MDH2: variants seen among roughly 807,000 people sequenced by gnomAD.
MDH2 encodes malate dehydrogenase, mitochondrial.
A neutral mutation model predicts 33.6 loss-of-function variants in MDH2; 25 were observed. The ratio of observed to expected loss-of-function variants is 0.74; its 90% CI spans 0.54 to 1.04. MDH2 has a LOEUF of 1.04. Among genes scored for constraint, MDH2 ranks in the 50% least tolerant of loss-of-function variants. MDH2 has a pLI of 0.00. For synonymous variants in MDH2, 193 were observed against 188.7 expected (o/e 1.02, Z -0.19); for missense variants, 432 against 445.0 (o/e 0.97, Z 0.26).
chr7:76,048,341 C>A, intron 1 of MDH2, 115 bp downstream of exon 1: 2 of 1,382,402 alleles, frequency 1.4e-6, no homozygotes, highest in Non-Finnish European at 1.9e-6. Context: ...GCAGGGATGC[C>A]CGGCACTGGC....
intron 3 of MDH2, 29 bp downstream of exon 3, chr7:76,057,522 C>G (rs1797819234): frequency 2.5e-6 from 4 of 1,601,614 alleles, no homozygotes. Flanking sequence ...TGTCTGGTAC[C>G]TCCCCACGTG....
At chr7:76,051,732 TAAAAC>T (rs1344595096) in intron 1 of MDH2, among the ~76,000 whole-genome samples, 5 of 152,352 alleles carry the variant, frequency 3.3e-5, no homozygotes, top group African/African-American at 1.2e-4. Flanking sequence ...GTAGAAATTT[TAAAAC>T]AAACCATAAC....
rs1797392745 is a variant in MDH2 at position 76,048,297 on chromosome 7, G to A, written c.66+71G>A. On this transcript the variant is annotated intron_variant, in intron 1 of 8. Transcript: ENST00000315758. ...GGGCCACGTGCGTCCCCGGTTCGCG[G>A]GCAGCTCTGACCCTCTCCAGGCCAG... is the stretch of plus-strand genomic sequence containing the variant. 4.0e-6 allele frequency: 6 copies of A among 1,502,138 alleles called. No homozygotes were observed. The East Asian group carries it at 1.5e-4, about 37-fold the overall frequency. The allele number at this position is 1,502,138 out of a possible 1,614,324, so 93.1% of individuals were successfully genotyped here.
In MDH2 at chr7:76,064,459, G is replaced by A. The variant is rs778965412; in HGVS notation, c.733+21G>A. On this transcript the variant is annotated intron_variant, in intron 7 of 8. Transcript: ENST00000315758. ...AGCAGGTAGAGTCTCAGGCAGCCCC[G>A]GGGCTGGGTGCCAGTGAGGCCCTGC... is the stretch of plus-strand genomic sequence containing the variant. 3.1e-5 allele frequency: 50 copies of A among 1,597,054 alleles called. No homozygotes were observed. The highest frequency in any genetic ancestry group is 1.7e-4 in the Middle Eastern group (1 of 6,048).
chr7:76,063,241 G>A (rs1431747617), intron 5 of MDH2, among the ~76,000 whole-genome samples: 1 of 152,214 alleles, frequency 6.6e-6, no homozygotes, highest in Non-Finnish European at 1.5e-5. Context: ...ATCCACAGTG[G>A]GCACAAATGC....
intron 1 of MDH2, among the ~76,000 whole-genome samples, chr7:76,053,720 T>C (rs1389813030): frequency 8.5e-5 from 13 of 152,174 alleles, no homozygotes; most frequent in African/African-American, 3.1e-4. Context: ...TGCCACTTTG[T>C]TTGCCTCTTC....
chr7:76,054,611 A>G (rs1214585888), intron 1 of MDH2: 1 of 579,324 alleles, frequency 1.7e-6, no homozygotes, highest in East Asian at 3.1e-5. Context: ...TACCCTGAGT[A>G]TCACAGACTC....
At chr7:76,048,939 T>TA in intron 1 of MDH2, 1 of 913,696 alleles carries the variant, frequency 1.1e-6, no homozygotes, top group African/African-American at 2.1e-5. Context: ...AGAAAGCTAA[T>TA]AAAAAACAGA....
At chr7:76,053,805 A>G (rs1554585787) in intron 1 of MDH2, among the ~76,000 whole-genome samples, 1 of 152,122 alleles carries the variant, frequency 6.6e-6, no homozygotes, top group Non-Finnish European at 1.5e-5. Context: ...TAGATCAGAA[A>G]CAAGCTCCCT....
At chr7:76,062,625 C>T (rs1239439692) in intron 5 of MDH2, among the ~76,000 whole-genome samples, 1 of 152,236 alleles carries the variant, frequency 6.6e-6, no homozygotes, top group Non-Finnish European at 1.5e-5. Context: ...TTAAGAAATA[C>T]TTGGTTCAGC....
intron 2 of MDH2, 82 bp from the exon 3 acceptor site, chr7:76,057,328 T>C: frequency 6.9e-7 from 1 of 1,450,722 alleles, no homozygotes; most frequent in East Asian, 2.3e-5. Context: ...GGCCATTAGT[T>C]GGCCTTAAGG....
intron 2 of MDH2, among the ~76,000 whole-genome samples, chr7:76,055,306 G>A (rs1023142094): frequency 6.6e-6 from 1 of 152,142 alleles, no homozygotes; most frequent in Non-Finnish European, 1.5e-5. Context: ...GGACAGTAAG[G>A]TGGTGGTCTC....
At chr7:76,053,323 G>A (rs1797676784) in intron 1 of MDH2, among the ~76,000 whole-genome samples, 1 of 152,122 alleles carries the variant, frequency 6.6e-6, no homozygotes, top group Non-Finnish European at 1.5e-5. Context: ...ATGCAGAGCT[G>A]GGATTTGGGA....
chr7:76,050,646 C>T (rs1376859944), intron 1 of MDH2, among the ~76,000 whole-genome samples: 1 of 152,066 alleles, frequency 6.6e-6, no homozygotes, highest in African/African-American at 2.4e-5. Context: ...TCCATTTTAA[C>T]AAGATGGTCT....
At chr7:76,048,607 T>G in intron 1 of MDH2, 1 of 1,290,978 alleles carries the variant, frequency 7.7e-7, no homozygotes, top group Non-Finnish European at 9.8e-7. Flanking sequence ...CTAATCTCCT[T>G]GCAGCATCCG....
rs566103883 is a variant in MDH2 at position 76,064,868 on chromosome 7, A to G, written c.800A>G (p.Asn267Ser). 1 of 1,614,152 alleles carries G rather than the reference A, an allele frequency of 6.2e-7. No individual in the cohort carries two copies. Among genetic ancestry groups the G allele is most frequent in the South Asian group, 1.1e-5 (1 of 91,080 alleles). Reference sequence around the variant, plus strand: ...GTCTTCTCCCTTGTGGATGCAATGAATGGAAAGGAAGGTGTTGTGGAATGT... The same window carrying G: ...GTCTTCTCCCTTGTGGATGCAATGAGTGGAAAGGAAGGTGTTGTGGAATGT... ...RFVFSLVDAM[N>S]GKEGVVECSF... Residue 267 changes from asparagine to serine, a missense_variant, in exon 8 of 9, where the codon AAT becomes AGT. Transcript: ENST00000315758.
Position 76,057,940 on chromosome 7 carries a change from G to A in MDH2, c.320-29G>A, listed in dbSNP as rs1797830898. 5.0e-6 allele frequency: 8 copies of A among 1,604,696 alleles called. No homozygotes were observed. In the African/African-American group the frequency reaches 5.3e-5, roughly 11 times the overall value. ...TGTCTGGAAATTTGTGGTGTTCTCT[G>A]TTAACATCTCATATTGGATCATTTC... On this transcript the variant is annotated intron_variant, in intron 3 of 8. Transcript: ENST00000315758.
At position 76,057,862 on chromosome 7, in the gene MDH2, G is replaced by T. The variant is rs550074783; in HGVS notation, c.320-107G>T. 6.2e-5 allele frequency: 61 copies of T among 985,990 alleles called. No individual in the cohort carries two copies. In the African/African-American group the frequency reaches 7.3e-4, roughly 12 times the overall value. The allele number at this position is 985,990 out of a possible 1,614,324, so 61.1% of individuals were successfully genotyped here. Reference sequence around the variant, plus strand: ...TGCAAGAGGGACTGACTTGAAACGGGGACCTTGAGTGGCTAAATTTCCTGT... The same window carrying T: ...TGCAAGAGGGACTGACTTGAAACGGTGACCTTGAGTGGCTAAATTTCCTGT... On this transcript the variant is annotated intron_variant, in intron 3 of 8. Transcript: ENST00000315758.
chr7:76,057,943 A>C lies in MDH2; in HGVS notation c.320-26A>C, dbSNP rs111608535. ...CTGGAAATTTGTGGTGTTCTCTGTT[A>C]ACATCTCATATTGGATCATTTCCAG... On this transcript the variant is annotated intron_variant, in intron 3 of 8. Transcript: ENST00000315758. 208 of 1,605,966 alleles carry C rather than the reference A, an allele frequency of 1.3e-4. No homozygotes were observed. In the African/African-American group the frequency reaches 2.4e-3, roughly 19 times the overall value.
Sources: gnomAD v4.1 joint callset for allele counts (sites outside exome capture counted in the v4.1 genomes callset) on GRCh38, gnomAD v4.1.1 for gene constraint, MANE v1.5 for transcripts, NCBI Gene and HGNC (gene_info 2026-07-23, HGNC 2026-07-21) for gene names.